The following HDLBP variants were observed in gnomAD, a reference collection of about 807,000 sequenced individuals.
HDLBP encodes the protein high density lipoprotein binding protein, also known as vigilin.
Under a neutral mutation model 137.3 loss-of-function variants are expected in HDLBP, and 30 were observed. The observed-to-expected ratio is 0.22, with a 90% confidence interval of 0.16 to 0.30. HDLBP has a LOEUF of 0.30. Among genes scored for constraint, HDLBP ranks in the 10% least tolerant of loss-of-function variants. The probability of loss-of-function intolerance (pLI) is 1.00; values close to 1 mark genes in which losing one functional copy is unlikely to be tolerated. For synonymous variants in HDLBP, 606 were observed against 596.0 expected (o/e 1.02, Z -0.24); for missense variants, 1,119 against 1,667.3 (o/e 0.67, Z 5.73).
chr2:241,265,422 A>T (rs940637610), intron 3 of HDLBP, among the ~76,000 whole-genome samples: 1 of 152,218 alleles, frequency 6.6e-6, no homozygotes, highest in African/African-American at 2.4e-5. Context: ...CCGTCTCAAA[A>T]AAAAAGACTG....
intron 5 of HDLBP, among the ~76,000 whole-genome samples, chr2:241,258,168 G>A (rs1226307891): frequency 6.6e-6 from 1 of 151,362 alleles, no homozygotes; most frequent in South Asian, 2.1e-4. Flanking sequence ...GGAGGCCGAG[G>A]TGGGTGGATC....
In HDLBP at chr2:241,236,595, G is replaced by C. The variant is rs574945342; in HGVS notation, c.2904+20C>G. 7 of 1,612,870 alleles carry C rather than the reference G, an allele frequency of 4.3e-6. No individual in the cohort carries two copies. In the Admixed American group the frequency reaches 1.2e-4, roughly 27 times the overall value. On this transcript the variant is annotated intron_variant, in intron 21 of 27. Coordinates refer to ENST00000310931, the MANE Select transcript of HDLBP (RefSeq NM_005336.6). ...GACTGGGCCTTGGCGGGGGGTGGAG[G>C]GGGGCACATGGACACATACCTCCAG...
At chr2:241,250,873 G>A (rs1356240326) in intron 11 of HDLBP, 1 of 152,020 alleles carries the variant, frequency 6.6e-6, no homozygotes, top group East Asian at 1.9e-4. Context: ...AACTGCATGA[G>A]AAGAAAACAG....
chr2:241,313,118 G>T (rs1328284390), intron 1 of HDLBP, among the ~76,000 whole-genome samples: 2 of 152,280 alleles, frequency 1.3e-5, no homozygotes, highest in Admixed American at 1.3e-4. Flanking sequence ...ACATTCTGTA[G>T]GAAGACTTTC....
At chr2:241,294,311 T>G (rs974064298) in intron 1 of HDLBP, among the ~76,000 whole-genome samples, 1 of 152,156 alleles carries the variant, frequency 6.6e-6, no homozygotes, top group Non-Finnish European at 1.5e-5. Context: ...AGCTGAGCCA[T>G]TCTATCTAAA....
intron 1 of HDLBP, among the ~76,000 whole-genome samples, chr2:241,298,828 A>G (rs995934357): frequency 6.6e-6 from 1 of 152,176 alleles, no homozygotes; most frequent in African/African-American, 2.4e-5. Flanking sequence ...ACAAACCCAC[A>G]ATAAGGGACC....
At chr2:241,250,679 G>A (rs1325247690) in intron 11 of HDLBP, 1 of 152,324 alleles carries the variant, frequency 6.6e-6, no homozygotes, top group Non-Finnish European at 1.5e-5. Flanking sequence ...AGGACCACGA[G>A]GAGGGCTTTT....
At position 241,229,487 on chromosome 2, in the gene HDLBP, G is replaced by A; in HGVS notation, c.*114C>T. The A allele has an allele frequency of 2.6e-6, 2 of 770,314 alleles. No homozygotes were observed. The highest frequency in any genetic ancestry group is 4.3e-6 in the Non-Finnish European group (2 of 467,250). 47.7% of individuals were successfully genotyped at this position (770,314 alleles called of 1,614,324 possible). A position where few individuals can be genotyped will look rare whatever the true frequency, so the allele number is the denominator to read the frequency against. On this transcript the variant is annotated 3_prime_UTR_variant, in exon 28 of 28. Coordinates refer to ENST00000310931, the MANE Select transcript of HDLBP (RefSeq NM_005336.6). ...GGCTCCCTGCGGGACCTCGGGAAGG[G>A]GGAAGAGCGTCAACAATTTACGGAG...
At position 241,248,244 on chromosome 2, in the gene HDLBP, C is replaced by T. The variant is rs1192200802; in HGVS notation, c.1617G>A (p.Glu539=). 2 of 1,611,224 alleles carry T rather than the reference C, an allele frequency of 1.2e-6. No individual in the cohort carries two copies. The highest frequency in any genetic ancestry group is 1.3e-5 in the African/African-American group (1 of 74,856). The change falls in exon 13 of 28, where the codon GAG becomes GAA. Residue 539 remains glutamate (E), a splice_region_variant and synonymous_variant. Coordinates refer to ENST00000310931, the MANE Select transcript of HDLBP (RefSeq NM_005336.6). ...ACAGAATGTCTCTGGGAAACTTTACCTCTGGGAATTTGTCACGAATTTCAC... is the reference window on the plus strand; with the variant it reads ...ACAGAATGTCTCTGGGAAACTTTACTTCTGGGAATTTGTCACGAATTTCAC... ...RIREIRDKFP[E]VIINFPDPAQ... is the part of the protein sequence containing the mutation.
At chr2:241,310,580 A>G (rs1396565633) in intron 1 of HDLBP, among the ~76,000 whole-genome samples, 1 of 152,214 alleles carries the variant, frequency 6.6e-6, no homozygotes, top group Non-Finnish European at 1.5e-5. Flanking sequence ...ACAAAAACAA[A>G]AATTTTAGAG....
At chr2:241,298,752 A>C (rs894918550) in intron 1 of HDLBP, among the ~76,000 whole-genome samples, 1 of 152,234 alleles carries the variant, frequency 6.6e-6, no homozygotes, top group Non-Finnish European at 1.5e-5. Context: ...AGAAGAACCC[A>C]GCCTCCTCCT....
chr2:241,276,514 A>G (rs2074391879), intron 1 of HDLBP, among the ~76,000 whole-genome samples: 1 of 152,206 alleles, frequency 6.6e-6, no homozygotes, highest in Non-Finnish European at 1.5e-5. Flanking sequence ...CAAACCCATC[A>G]GTAATCTAAA....
chr2:241,272,690 C>A lies in HDLBP; in HGVS notation c.-102-4149G>T. On this transcript the variant is annotated intron_variant, in intron 1 of 27. Transcript: ENST00000310931. This position sits in a 1 kb window ranked among gnomAD's most constrained non-coding sequence, Gnocchi z 5.6. ...CCACGTCAGCAGCCACCCCCCACCC[C>A]CCCGCCCGGCAGCCCGCCCGCCCCG... 1 of 756,720 alleles carries A rather than the reference C, an allele frequency of 1.3e-6. No homozygotes were observed. The highest frequency in any genetic ancestry group is 1.6e-6 in the Non-Finnish European group (1 of 625,994). 46.9% of individuals were successfully genotyped at this position (756,720 alleles called of 1,614,324 possible). A position where few individuals can be genotyped will look rare whatever the true frequency, so the allele number is the denominator to read the frequency against.
At chr2:241,260,602 C>T (rs1472595361) in intron 5 of HDLBP, among the ~76,000 whole-genome samples, 1 of 152,150 alleles carries the variant, frequency 6.6e-6, no homozygotes, top group Non-Finnish European at 1.5e-5. Flanking sequence ...ATTTGCAACC[C>T]TTAACGAATT....
rs2070920489 is a variant in HDLBP, at chr2:241,239,091, G to A, written c.2611-304C>T. On this transcript the variant is annotated intron_variant, in intron 19 of 27. Transcript: ENST00000310931. The surrounding 1 kb of genome is among the most constrained non-coding windows in gnomAD (Gnocchi z 4.6). The stretch of plus-strand genomic sequence containing the variant: ...CCTCTGACTCCATGAGGAGGCATCA[G>A]ACTTGATTATTAGGGAAAGGGAATC... Among the ~76,000 whole-genome samples, 1 of 152,168 alleles carries A rather than the reference G, an allele frequency of 6.6e-6. No individual in the cohort carries two copies. Among genetic ancestry groups the A allele is most frequent in the Non-Finnish European group, 1.5e-5 (1 of 68,028 alleles).
chr2:241,303,222 G>C (rs938860486), intron 1 of HDLBP, among the ~76,000 whole-genome samples: 1 of 152,184 alleles, frequency 6.6e-6, no homozygotes, highest in South Asian at 2.1e-4. Context: ...TTTAGAGGCC[G>C]ACAGAAGGGC....
chr2:241,230,723 G>A lies in HDLBP; in HGVS notation c.3474+36C>T. The A allele has an allele frequency of 5.7e-6, 9 of 1,589,426 alleles. No individual in the cohort carries two copies. Among genetic ancestry groups the A allele is most frequent in the Non-Finnish European group, 7.8e-6 (9 of 1,158,450 alleles). On this transcript the variant is annotated intron_variant, in intron 25 of 27. Transcript: ENST00000310931. This position sits in a 1 kb window ranked among gnomAD's most constrained non-coding sequence, Gnocchi z 5.0. ...GGCCAGCCAGGTGCCCCCGGTGAGAGAGGATTCTCACCCACTGTGCTTCCA... is the reference window on the plus strand; with the variant it reads ...GGCCAGCCAGGTGCCCCCGGTGAGAAAGGATTCTCACCCACTGTGCTTCCA...
intron 5 of HDLBP, among the ~76,000 whole-genome samples, chr2:241,260,587 G>C (rs2073076331): frequency 6.6e-6 from 1 of 152,206 alleles, no homozygotes; most frequent in Non-Finnish European, 1.5e-5. Context: ...AATTAGAAAA[G>C]CATAATTTGC....
intron 5 of HDLBP, among the ~76,000 whole-genome samples, chr2:241,258,171 G>A (rs1574944010): frequency 6.6e-6 from 1 of 151,182 alleles, no homozygotes; most frequent in Non-Finnish European, 1.5e-5. Context: ...GGCCGAGGTG[G>A]GTGGATCACG....
Sources: allele counts gnomAD v4.1 joint callset (sites outside exome capture counted in the v4.1 genomes callset), GRCh38; gene constraint gnomAD v4.1.1; non-coding constraint Gnocchi (gnomAD v3.1); transcripts MANE v1.5; gene names NCBI Gene and HGNC (gene_info 2026-07-23, HGNC 2026-07-21).